The following SLC5A12 variants were observed in gnomAD, a reference collection of about 807,000 sequenced individuals.
The protein encoded by SLC5A12 is solute carrier family 5 member 12.
A neutral mutation model predicts 72.7 loss-of-function variants in SLC5A12; 46 were observed. The observed-to-expected ratio is 0.63, with a 90% CI of 0.50 to 0.81. The LOEUF is 0.81. Among genes scored for constraint, SLC5A12 ranks in the 30% least tolerant of loss-of-function variants. SLC5A12 has a pLI of 0.00. For missense variants in SLC5A12, 683 were observed against 740.7 expected, an observed-to-expected ratio of 0.92 and a Z score of 0.90; for synonymous variants, 275 against 264.4, an observed-to-expected ratio of 1.04 and a Z score of -0.39.
At chr11:26,688,294 G>A (rs187266404) in intron 9 of SLC5A12, among the ~76,000 whole-genome samples, 85 of 152,256 alleles carry the variant, frequency 5.6e-4, no homozygotes, top group African/African-American at 1.7e-3. Context: ...GCATCAGCTC[G>A]GAGGATCAGA....
intron 1 of SLC5A12, among the ~76,000 whole-genome samples, chr11:26,714,778 A>G (rs1482974807): frequency 1.3e-5 from 2 of 152,132 alleles, no homozygotes; most frequent in Non-Finnish European, 2.9e-5. Flanking sequence ...AGCAAAGGAC[A>G]TCTCTTGGCA....
chr11:26,671,514 C>A (rs550115536), intron 14 of SLC5A12, among the ~76,000 whole-genome samples: 8 of 151,978 alleles, frequency 5.3e-5, no homozygotes, highest in Non-Finnish European at 4.4e-5. Flanking sequence ...ATTTATATAC[C>A]TCTCATTTAA....
intron 14 of SLC5A12, among the ~76,000 whole-genome samples, chr11:26,672,430 A>G (rs1236758081): frequency 6.6e-6 from 1 of 152,166 alleles, no homozygotes; most frequent in African/African-American, 2.4e-5. Context: ...AGCTGGGAAG[A>G]CAGACACTGA....
intron 13 of SLC5A12, among the ~76,000 whole-genome samples, chr11:26,678,446 C>T (rs561179444): frequency 2.4e-4 from 37 of 152,148 alleles, no homozygotes; most frequent in African/African-American, 8.9e-4. Flanking sequence ...ATGGCACCAT[C>T]TCAGCTCACT....
intron 8 of SLC5A12, among the ~76,000 whole-genome samples, chr11:26,696,051 C>A (rs972148391): frequency 2.0e-5 from 3 of 152,108 alleles, no homozygotes; most frequent in Non-Finnish European, 4.4e-5. Flanking sequence ...TCCTTAAAGA[C>A]CCTATCGAAA....
intron 4 of SLC5A12, among the ~76,000 whole-genome samples, chr11:26,706,063 TACTAAACTACGGAACCCTGGATGGCA>T (rs566089961): frequency 1.3e-5 from 2 of 152,098 alleles, no homozygotes; most frequent in Non-Finnish European, 2.9e-5. Flanking sequence ...ATGTTTGCCC[TACTAAACTACGGAACCCTGGATGGCA>T]ACAAACACTT....
At chr11:26,710,177 T>C (rs370484985) in intron 3 of SLC5A12, among the ~76,000 whole-genome samples, 9 of 152,122 alleles carry the variant, frequency 5.9e-5, no homozygotes, top group African/African-American at 2.2e-4. Flanking sequence ...TTCATCCATG[T>C]CCCTACAAAG....
intron 4 of SLC5A12, among the ~76,000 whole-genome samples, chr11:26,706,486 T>C (rs1855092564): frequency 6.6e-6 from 1 of 152,198 alleles, no homozygotes; most frequent in Non-Finnish European, 1.5e-5. Flanking sequence ...TCTGGATGTT[T>C]CTGATGTCAT....
chr11:26,692,639 T>C (rs750898822), intron 8 of SLC5A12, 38 bp from the exon 9 acceptor site: 2 of 1,476,680 alleles, frequency 1.4e-6, no homozygotes, highest in South Asian at 1.1e-5. Flanking sequence ...GTCTAAGCTA[T>C]ATAAGGCGGA....
At chr11:26,693,733 A>G (rs1854739924) in intron 8 of SLC5A12, among the ~76,000 whole-genome samples, 12 of 152,218 alleles carry the variant, frequency 7.9e-5, no homozygotes, top group Admixed American at 7.2e-4. Context: ...TTATTCTGCT[A>G]TCCTCCAGTG....
At chr11:26,690,670 T>G (rs76791517) in intron 9 of SLC5A12, among the ~76,000 whole-genome samples, 2 of 112,186 alleles carry the variant, frequency 1.8e-5, no homozygotes, top group African/African-American at 7.8e-5. Context: ...AAAAAAAAAT[T>G]AGCCAGGCAT....
In SLC5A12 at chr11:26,671,129, ATTG is replaced by A. The variant is rs774736860; in HGVS notation, c.1827_1829del (p.Asn610del). On this transcript the variant is annotated inframe_deletion, in exon 15 of 15. Transcript: ENST00000396005. ...AGAAATGGGTAGTCTCAAATGCCAT[ATTG>A]TTGTAGCTTTTGTCCTTAGGATCAT... is the stretch of plus-strand genomic sequence containing the variant. 24 of 1,612,112 alleles carry A rather than the reference ATTG, an allele frequency of 1.5e-5. 4 individuals carry two copies. In the South Asian group the frequency reaches 2.6e-4, roughly 18 times the overall value.
chr11:26,689,395 T>C (rs1432398708), intron 9 of SLC5A12, among the ~76,000 whole-genome samples: 6 of 152,012 alleles, frequency 3.9e-5, no homozygotes, highest in South Asian at 2.1e-4. Flanking sequence ...AGTGAAACTC[T>C]GTCTCACAAA....
intron 4 of SLC5A12, among the ~76,000 whole-genome samples, chr11:26,708,389 T>A (rs1399756908): frequency 1.3e-5 from 2 of 151,960 alleles, no homozygotes; most frequent in African/African-American, 4.8e-5. Context: ...TGTAATTTTT[T>A]AAAATGAAGA....
intron 8 of SLC5A12, among the ~76,000 whole-genome samples, chr11:26,696,609 T>C (rs1854821146): frequency 6.6e-6 from 1 of 152,228 alleles, no homozygotes; most frequent in African/African-American, 2.4e-5. Flanking sequence ...TACAGAATGT[T>C]ACTGTCCTGA....
chr11:26,680,902 C>T (rs1304883783), intron 12 of SLC5A12, among the ~76,000 whole-genome samples, 153 bp downstream of exon 12: 2 of 152,136 alleles, frequency 1.3e-5, no homozygotes, highest in Non-Finnish European at 2.9e-5. Context: ...AGCTGCAGCC[C>T]TGCGTGGCAC....
intron 13 of SLC5A12, among the ~76,000 whole-genome samples, chr11:26,675,176 C>G (rs1037975838): frequency 2.6e-5 from 4 of 152,126 alleles, no homozygotes; most frequent in Non-Finnish European, 5.9e-5. Context: ...ACAAAATCAT[C>G]AAACACTCCA....
At chr11:26,697,448 CTGAA>C (rs1026309977) in intron 7 of SLC5A12, among the ~76,000 whole-genome samples, 196 bp from the exon 8 acceptor site, 1 of 151,952 alleles carries the variant, frequency 6.6e-6, no homozygotes, top group African/African-American at 2.4e-5. Flanking sequence ...CGTGTTTATC[CTGAA>C]TGTTAGCAAC....
At chr11:26,682,486 C>A (rs73436389) in intron 11 of SLC5A12, among the ~76,000 whole-genome samples, 2,430 of 152,056 alleles carry the variant, frequency 0.016, 52 homozygotes, top group African/African-American at 0.054. Flanking sequence ...GGAAGGAGAG[C>A]CATGATTGGT....
Sources: allele counts gnomAD v4.1 joint callset (sites outside exome capture counted in the v4.1 genomes callset), GRCh38; gene constraint gnomAD v4.1.1; transcripts MANE v1.5; gene names NCBI Gene and HGNC (gene_info 2026-07-23, HGNC 2026-07-21).